The following ADGRV1 variants were observed in gnomAD, a reference collection of about 807,000 sequenced individuals.
ADGRV1 encodes G-protein coupled receptor 98.
In ADGRV1, 359 loss-of-function variants were observed where a neutral mutation model predicts 596.2. That is an observed-to-expected ratio of 0.60 (90% CI 0.55 to 0.66). ADGRV1 has a LOEUF of 0.66. Among genes scored for constraint, ADGRV1 ranks in the 30% least tolerant of loss-of-function variants. ADGRV1 has a pLI of 0.00. For synonymous variants in ADGRV1, 2,681 were observed against 2,679.2 expected (o/e 1.00, Z -0.02); for missense variants, 7,274 against 7,575.6 (o/e 0.96, Z 1.48).
At chr5:90,813,118 G>C (rs1175983660) in intron 74 of ADGRV1, among the ~76,000 whole-genome samples, 2 of 68,234 alleles carry the variant, frequency 2.9e-5, no homozygotes, top group Admixed American at 5.4e-4. Context: ...GGGCGACAGA[G>C]TAAGACTCCG....
intron 83 of ADGRV1, among the ~76,000 whole-genome samples, chr5:90,920,843 A>G (rs1195974373): frequency 6.6e-6 from 1 of 152,216 alleles, no homozygotes; most frequent in East Asian, 1.9e-4. Context: ...TCTAAATGTC[A>G]TTAATTAACT....
At chr5:90,571,003 T>G (rs1756456119) in intron 1 of ADGRV1, among the ~76,000 whole-genome samples, 1 of 152,166 alleles carries the variant, frequency 6.6e-6, no homozygotes, top group Non-Finnish European at 1.5e-5. Context: ...ATGCTTGGTA[T>G]TTTTCTTTTT....
chr5:90,981,972 T>C (rs200065384), intron 84 of ADGRV1, among the ~76,000 whole-genome samples: 1 of 118,784 alleles, frequency 8.4e-6, no homozygotes, highest in Admixed American at 8.0e-5. Context: ...CTGGATAAAT[T>C]ACTTACTTGA....
At chr5:90,834,733 C>T (rs1764812839) in intron 77 of ADGRV1, among the ~76,000 whole-genome samples, 1 of 151,454 alleles carries the variant, frequency 6.6e-6, no homozygotes, top group Non-Finnish European at 1.5e-5. Flanking sequence ...AATAAACTTT[C>T]TCCTTCTATC....
Position 90,628,809 on chromosome 5 carries a change from G to A in ADGRV1, c.1486G>A (p.Ala496Thr), listed in dbSNP as rs753952199. The A allele has an allele frequency of 8.7e-6, 14 of 1,613,982 alleles. No homozygotes were observed. Among genetic ancestry groups the A allele is most frequent in the East Asian group, 2.2e-5 (1 of 44,888 alleles). The stretch of plus-strand genomic sequence containing the variant: ...TCTGCCTCATACAATACGAGGAGGT[G>A]CAGAAGTGAGCGAGCCAGCGGAGGT... Reference protein sequence around the residue: ...QILPHTIRGGAEVSEPAELLF... With the variant: ...QILPHTIRGGTEVSEPAELLF... The change falls in exon 8 of 90, where the codon GCA (alanine) becomes ACA (threonine). Residue 496 changes from alanine to threonine, a missense_variant. Ala to Thr is a moderately conservative substitution (Grantham distance 58, BLOSUM62 0). Coordinates refer to ENST00000405460, the MANE Select transcript of ADGRV1 (RefSeq NM_032119.4).
intron 83 of ADGRV1, among the ~76,000 whole-genome samples, chr5:90,952,275 G>A (rs1777122157): frequency 6.6e-6 from 1 of 152,132 alleles, no homozygotes; most frequent in African/African-American, 2.4e-5. Flanking sequence ...CTTCTCCAGA[G>A]AAAATTCACC....
At chr5:90,816,723 C>A (rs945412802) in intron 75 of ADGRV1, among the ~76,000 whole-genome samples, 3 of 151,780 alleles carry the variant, frequency 2.0e-5, no homozygotes, top group African/African-American at 4.8e-5. Context: ...CATCCATGTC[C>A]CTACAAAGGA....
At chr5:90,903,780 A>AT (rs988837116) in intron 83 of ADGRV1, among the ~76,000 whole-genome samples, 1 of 151,954 alleles carries the variant, frequency 6.6e-6, no homozygotes, top group East Asian at 1.9e-4. Context: ...ATGCAATTAT[A>AT]TTTTTTTAGT....
At chr5:90,630,540 A>G (rs1342194007) in intron 9 of ADGRV1, 2 of 152,180 alleles carry the variant, frequency 1.3e-5, no homozygotes, top group South Asian at 2.1e-4. Context: ...TTAAAATTCT[A>G]AATCAATAAA....
intron 1 of ADGRV1, among the ~76,000 whole-genome samples, chr5:90,569,375 ATATATATATATATTTTTTTTTT>A (rs1484085154): frequency 9.6e-5 from 2 of 20,940 alleles, no homozygotes; most frequent in South Asian, 4.2e-3. Context: ...ATATATATAT[ATATATATATATATTTTTTTTTT>A]TTTTTTTTTT....
rs1763798205 is a variant in ADGRV1 at position 90,823,547 on chromosome 5, C to T, written c.16319C>T (p.Thr5440Ile). The T allele has an allele frequency of 6.2e-7, 1 of 1,613,918 alleles. No homozygotes were observed. Among genetic ancestry groups the T allele is most frequent in the East Asian group, 2.2e-5 (1 of 44,868 alleles). The change falls in exon 76 of 90, where the codon ACA becomes ATA. Residue 5440 changes from threonine (T) to isoleucine (I), a missense_variant. Physicochemically the swap from Thr to Ile is moderately conservative, Grantham distance 89. Transcript: ENST00000405460. Reference protein sequence around the residue: ...LQSVSGTTTCTMGQTKCFISI... With the variant: ...LQSVSGTTTCIMGQTKCFISI... The stretch of plus-strand genomic sequence containing the variant: ...TCTGTGTCAGGGACCACAACCTGTA[C>T]AATGGGTCAAACAAAATGCTTTATC...
chr5:91,143,076 C>T (rs904807600), intron 87 of ADGRV1, among the ~76,000 whole-genome samples: 2 of 152,192 alleles, frequency 1.3e-5, no homozygotes, highest in South Asian at 2.1e-4. Flanking sequence ...CTCCAGACAC[C>T]GCCACAGGCA....
Position 90,728,772 on chromosome 5 carries a change from C to A in ADGRV1, c.10265C>A (p.Ala3422Asp). 1 of 1,613,960 alleles carries A rather than the reference C, an allele frequency of 6.2e-7. No individual in the cohort carries two copies. The highest frequency in any genetic ancestry group is 8.5e-7 in the Non-Finnish European group (1 of 1,179,846). The change falls in exon 49 of 90, where the codon GCC (alanine) becomes GAC (aspartate). Residue 3422 changes from alanine (A) to aspartate (D), a missense_variant. Ala to Asp is a moderately radical substitution (Grantham distance 126). Coordinates refer to ENST00000405460, the MANE Select transcript of ADGRV1 (RefSeq NM_032119.4). ...LFNKGGSVFL[A>D]ISQANARLNS... is the part of the protein sequence containing the mutation. Reference sequence around the variant, plus strand: ...AACAAGGGAGGCTCTGTGTTCTTAGCCATTTCCCAGGCTAATGCCAGGCTA... The same window carrying A: ...AACAAGGGAGGCTCTGTGTTCTTAGACATTTCCCAGGCTAATGCCAGGCTA...
intron 52 of ADGRV1, among the ~76,000 whole-genome samples, chr5:90,748,818 T>TTTTG (rs1554103028): frequency 2.0e-5 from 3 of 151,084 alleles, no homozygotes; most frequent in African/African-American, 7.3e-5. Context: ...ATCAAGTTTT[T>TTTTG]TTTTGTTTTT....
intron 39 of ADGRV1, among the ~76,000 whole-genome samples, chr5:90,709,769 A>C (rs1443191030): frequency 6.6e-6 from 1 of 152,260 alleles, no homozygotes; most frequent in Admixed American, 6.5e-5. Context: ...GGCTGTTTAC[A>C]TCAAGTATTA....
At chr5:90,808,974 A>G (rs1268860818) in intron 73 of ADGRV1, among the ~76,000 whole-genome samples, 2 of 140,900 alleles carry the variant, frequency 1.4e-5, no homozygotes, top group Admixed American at 7.3e-5. Flanking sequence ...TGAGATGGAG[A>G]CTCGCTCTTT....
At chr5:90,691,499 C>T (rs2149625835) in intron 31 of ADGRV1, among the ~76,000 whole-genome samples, 1 of 151,562 alleles carries the variant, frequency 6.6e-6, no homozygotes, top group Non-Finnish European at 1.5e-5. Context: ...ATTCTCCTGC[C>T]TCAGCCTTCC....
chr5:90,897,801 A>G (rs1771474883), intron 83 of ADGRV1, among the ~76,000 whole-genome samples: 1 of 152,120 alleles, frequency 6.6e-6, no homozygotes, highest in Admixed American at 6.6e-5. Context: ...GTGCCTTTAG[A>G]GTATGTGTGG....
At chr5:90,852,344 C>T (rs549671349) in intron 79 of ADGRV1, among the ~76,000 whole-genome samples, 12 of 152,276 alleles carry the variant, frequency 7.9e-5, no homozygotes, top group African/African-American at 2.6e-4. Context: ...TGTAAATCTA[C>T]GACGTAGTTG....
Sources: gnomAD v4.1 joint callset for allele counts (sites outside exome capture counted in the v4.1 genomes callset) on GRCh38, gnomAD v4.1.1 for gene constraint, MANE v1.5 for transcripts, NCBI Gene and HGNC (gene_info 2026-07-23, HGNC 2026-07-21) for gene names.